HEMK2: variants seen among roughly 807,000 people sequenced by gnomAD.
HEMK2 encodes the protein HemK methyltransferase 2, ETF1 glutamine and histone H4 lysine.
the HEMK2 span, among the ~76,000 whole-genome samples, chr21:28,788,063 G>A: frequency 6.6e-6 from 1 of 151,362 alleles, no homozygotes; most frequent in Admixed American, 6.6e-5. Context: ...AAATAGCGTG[G>A]CACTGGTATA....
the HEMK2 span, among the ~76,000 whole-genome samples, chr21:28,660,422 G>A: frequency 1.1e-3 from 161 of 151,512 alleles, no homozygotes; most frequent in African/African-American, 3.6e-3. Flanking sequence ...GGAGGATTTG[G>A]GGTAACTCTT....
the HEMK2 span, among the ~76,000 whole-genome samples, chr21:28,589,111 CAAA>C: frequency 5.1e-4 from 78 of 151,614 alleles, no homozygotes; most frequent in Non-Finnish European, 9.1e-4. Context: ...ATAAAAAAGG[CAAA>C]ACATTATAGT....
At chr21:28,645,598 T>C in the HEMK2 span, among the ~76,000 whole-genome samples, 1 of 152,152 alleles carries the variant, frequency 6.6e-6, no homozygotes. Context: ...CCCATTGTTA[T>C]GGTCTGAATG....
chr21:28,631,604 A>T, the HEMK2 span, among the ~76,000 whole-genome samples: 2 of 152,200 alleles, frequency 1.3e-5, no homozygotes, highest in Non-Finnish European at 2.9e-5. Context: ...TACATCTTTA[A>T]GGTTAATCCT....
the HEMK2 span, among the ~76,000 whole-genome samples, chr21:28,672,529 C>T: frequency 6.6e-6 from 1 of 152,092 alleles, no homozygotes; most frequent in African/African-American, 2.4e-5. Flanking sequence ...AAAGAACATG[C>T]AAGTTTTGGG....
the HEMK2 span, among the ~76,000 whole-genome samples, chr21:28,838,977 A>C: frequency 1.0e-4 from 4 of 38,976 alleles, no homozygotes; most frequent in East Asian, 6.1e-3. Flanking sequence ...AAAAAAATAT[A>C]TATATATATA....
At chr21:28,703,579 C>T in the HEMK2 span, among the ~76,000 whole-genome samples, 1 of 152,174 alleles carries the variant, frequency 6.6e-6, no homozygotes, top group African/African-American at 2.4e-5. Context: ...AACTAAGCAT[C>T]TTTTATCTGC....
the HEMK2 span, among the ~76,000 whole-genome samples, chr21:28,647,374 G>A: frequency 6.7e-6 from 1 of 149,518 alleles, no homozygotes; most frequent in Admixed American, 6.7e-5. Flanking sequence ...TGGGCATGGT[G>A]GCACGTGCCT....
chr21:28,745,407 T>C, the HEMK2 span, among the ~76,000 whole-genome samples: 1 of 152,266 alleles, frequency 6.6e-6, no homozygotes, highest in African/African-American at 2.4e-5. Flanking sequence ...GGATGTTGTA[T>C]GAGATTGTTC....
chr21:28,593,944 C>A, the HEMK2 span, among the ~76,000 whole-genome samples: 520 of 152,236 alleles, frequency 3.4e-3, 6 homozygotes, highest in Non-Finnish European at 5.7e-3. Flanking sequence ...TGGGGTAGAG[C>A]AACTTTCAAC....
the HEMK2 span, among the ~76,000 whole-genome samples, chr21:28,649,721 C>T: frequency 6.6e-6 from 1 of 152,094 alleles, no homozygotes; most frequent in East Asian, 1.9e-4. Flanking sequence ...AAGGAACTTG[C>T]CATGCTAAGC....
At chr21:28,657,277 C>A in the HEMK2 span, among the ~76,000 whole-genome samples, 1 of 151,902 alleles carries the variant, frequency 6.6e-6, no homozygotes, top group Non-Finnish European at 1.5e-5. Context: ...AGCAGCAAAC[C>A]CTAAGAAAAA....
the HEMK2 span, among the ~76,000 whole-genome samples, chr21:28,612,740 T>C: frequency 3.3e-5 from 5 of 152,302 alleles, no homozygotes; most frequent in Middle Eastern, 3.4e-3. Flanking sequence ...AGTTTTCATA[T>C]ACAAAATTAA....
the HEMK2 span, among the ~76,000 whole-genome samples, chr21:28,828,600 T>G: frequency 1.3e-5 from 2 of 152,212 alleles, no homozygotes; most frequent in South Asian, 4.1e-4. Flanking sequence ...AAAGGCACTT[T>G]GGTGACACTT....
chr21:28,750,882 C>T, the HEMK2 span, among the ~76,000 whole-genome samples: 4 of 152,088 alleles, frequency 2.6e-5, no homozygotes, highest in African/African-American at 9.7e-5. Context: ...GATACAGAAC[C>T]TTTCAGCCAT....
the HEMK2 span, among the ~76,000 whole-genome samples, chr21:28,593,745 C>T: frequency 2.0e-5 from 3 of 152,106 alleles, no homozygotes; most frequent in Non-Finnish European, 4.4e-5. Context: ...TGGGTTATAA[C>T]CCAAGTATAA....
chr21:28,749,406 A>G, the HEMK2 span, among the ~76,000 whole-genome samples: 1 of 152,220 alleles, frequency 6.6e-6, no homozygotes, highest in Admixed American at 6.5e-5. Flanking sequence ...TTAGAGGAGG[A>G]GATTGAGGTA....
chr21:28,785,532 ACT>A, the HEMK2 span, among the ~76,000 whole-genome samples: 6 of 152,010 alleles, frequency 3.9e-5, no homozygotes, highest in African/African-American at 1.5e-4. Context: ...TCCCACTTTG[ACT>A]CTTGCTTCAG....
At chr21:28,622,346 A>G in the HEMK2 span, among the ~76,000 whole-genome samples, 1 of 152,228 alleles carries the variant, frequency 6.6e-6, no homozygotes, top group Admixed American at 6.5e-5. Context: ...AAACAAATGG[A>G]AAAACATTCC....
Sources: allele counts gnomAD v4.1 joint callset (sites outside exome capture counted in the v4.1 genomes callset), GRCh38; gene constraint gnomAD v4.1.1; transcripts MANE v1.5; gene names NCBI Gene and HGNC (gene_info 2026-07-23, HGNC 2026-07-21).